The following TBC1D8 variants were observed in gnomAD, a reference collection of about 807,000 sequenced individuals.
TBC1D8 encodes TBC1 domain family member 8.
Under a neutral mutation model 118.8 loss-of-function variants are expected in TBC1D8, and 65 were observed. The ratio of observed to expected loss-of-function variants is 0.55; its 90% CI spans 0.45 to 0.67. The LOEUF is 0.67. TBC1D8 is among the 30% of genes least tolerant of loss of function. TBC1D8 has a pLI of 0.00. For missense variants in TBC1D8, 1,376 were observed against 1,471.2 expected (o/e 0.94, Z 1.06); for synonymous variants, 566 against 595.8 (o/e 0.95, Z 0.73).
chr2:101,059,321 T>TCA, intron 3 of TBC1D8, 100 bp downstream of exon 3: 1 of 891,958 alleles, frequency 1.1e-6, no homozygotes, highest in Middle Eastern at 2.3e-4. Flanking sequence ...AGCCAAAAGT[T>TCA]CAGTTAGTAG....
Position 101,008,059 on chromosome 2 carries a change from T to C in TBC1D8, c.3230A>G (p.Asp1077Gly). 6.2e-7 allele frequency: 1 copy of C among 1,613,942 alleles called. No homozygotes were observed. Among genetic ancestry groups the C allele is most frequent in the South Asian group, 1.1e-5 (1 of 91,072 alleles). ...GGAGTCCTGGGGCGTCTTCCCAGTG[T>C]CTGCAAAAACCGAGTCCTCAGGAGA... The part of the protein sequence containing the change: ...APSPEDSVFA[D>G]TGKTPQDSQA... Residue 1077 changes from aspartate to glycine, a missense_variant, in exon 20 of 20, where the codon GAC becomes GGC. Physicochemically the swap from Asp to Gly is moderately conservative, Grantham distance 94 (BLOSUM62 -1). Coordinates refer to ENST00000409318, the MANE Select transcript of TBC1D8 (RefSeq NM_001330348.2).
chr2:101,149,169 T>C (rs559035748), intron 1 of TBC1D8, among the ~76,000 whole-genome samples: 1 of 152,294 alleles, frequency 6.6e-6, no homozygotes, highest in Non-Finnish European at 1.5e-5. Flanking sequence ...CATTTAAGCA[T>C]AAGAAAATTC....
chr2:101,124,576 G>A (rs953357058), intron 1 of TBC1D8, among the ~76,000 whole-genome samples: 15 of 152,120 alleles, frequency 9.9e-5, no homozygotes, highest in Admixed American at 5.2e-4. Flanking sequence ...GTAAACCCTC[G>A]GCTGAAATGA....
intron 1 of TBC1D8, among the ~76,000 whole-genome samples, chr2:101,118,609 A>G (rs1008079248): frequency 3.3e-5 from 5 of 150,594 alleles, no homozygotes; most frequent in Non-Finnish European, 5.9e-5. Flanking sequence ...AGGCAGGAGA[A>G]TGGCGTGAAC....
intron 4 of TBC1D8, among the ~76,000 whole-genome samples, chr2:101,050,856 C>T (rs1158472834): frequency 1.3e-5 from 2 of 152,156 alleles, no homozygotes. Flanking sequence ...ATTTCATCAC[C>T]CAGGTGTTAA....
At chr2:101,038,267 C>T (rs927000289) in intron 7 of TBC1D8, among the ~76,000 whole-genome samples, 194 bp downstream of exon 7, 18 of 152,142 alleles carry the variant, frequency 1.2e-4, no homozygotes, top group Admixed American at 1.2e-3. Context: ...GGGGTGACCC[C>T]GTCACCCCCT....
At position 101,151,329 on chromosome 2, in the gene TBC1D8, C is replaced by T. The variant is rs1228202352; in HGVS notation, c.-76G>A. On this transcript the variant is annotated 5_prime_UTR_variant, in exon 1 of 20. Transcript: ENST00000409318. ...CCGGTCGCTGTGAGCCGAGCCCGCTCGAGAGGCGACGGCGGCGCGCGGGGA... is the reference window on the plus strand; with the variant it reads ...CCGGTCGCTGTGAGCCGAGCCCGCTTGAGAGGCGACGGCGGCGCGCGGGGA... 1 of 1,086,466 alleles carries T rather than the reference C, an allele frequency of 9.2e-7. No homozygotes were observed. 67.3% of individuals were successfully genotyped at this position (1,086,466 alleles called of 1,614,324 possible).
rs200658638 is a variant in TBC1D8, at chr2:101,090,325, T to C, written c.167A>G (p.Asn56Ser). 125 of 1,613,976 alleles carry C rather than the reference T, an allele frequency of 7.7e-5. No individual in the cohort carries two copies. Among genetic ancestry groups the C allele is most frequent in the African/African-American group, 2.4e-4 (18 of 75,056 alleles). Residue 56 changes from asparagine (N) to serine (S), a missense_variant, in exon 2 of 20, where the codon AAT becomes AGT. Asn to Ser is a conservative substitution (Grantham distance 46). Coordinates refer to ENST00000409318, the MANE Select transcript of TBC1D8 (RefSeq NM_001330348.2). ...AATTCGAAATGGAGCGACCCGTGCA[T>C]TGGAATCCAACACTGCATCCAGAGC... The part of the protein sequence containing the change: ...VGALDAVLDS[N>S]ARVAPFRILL...
intron 4 of TBC1D8, among the ~76,000 whole-genome samples, chr2:101,052,849 A>T (rs1172748331): frequency 6.6e-6 from 1 of 152,204 alleles, no homozygotes; most frequent in Non-Finnish European, 1.5e-5. Context: ...GTGCTTTAAT[A>T]ATTTTAAAGG....
chr2:101,144,118 A>T (rs1225815482), intron 1 of TBC1D8, among the ~76,000 whole-genome samples: 1 of 152,240 alleles, frequency 6.6e-6, no homozygotes, highest in East Asian at 1.9e-4. Context: ...GATCCCCTCA[A>T]GATTGTACTA....
At chr2:101,045,153 T>C (rs1427304419) in intron 5 of TBC1D8, among the ~76,000 whole-genome samples, 3 of 152,150 alleles carry the variant, frequency 2.0e-5, no homozygotes, top group African/African-American at 7.2e-5. Context: ...TAAATTAATA[T>C]GTGCAATAAT....
chr2:101,138,486 A>T (rs568761827), intron 1 of TBC1D8, among the ~76,000 whole-genome samples: 134 of 152,190 alleles, frequency 8.8e-4, no homozygotes, highest in African/African-American at 3.1e-3. Context: ...GACTGGCCCC[A>T]TTTCAGACGC....
rs561424708 is a variant in TBC1D8, at chr2:101,073,157, G to C, written c.284-13618C>G. 1.6e-4 allele frequency among the ~76,000 whole-genome samples: 25 copies of C among 152,308 alleles called. No homozygotes were observed. In the East Asian group the frequency reaches 4.4e-3, roughly 27 times the overall value. On this transcript the variant is annotated intron_variant, in intron 2 of 19. Transcript: ENST00000409318. ...CCAGGCATGTTAGCCCCTATATCAA[G>C]AGGAGCTTTGAAGCCAGGCACTCAC... is the stretch of plus-strand genomic sequence containing the variant.
chr2:101,069,254 C>T (rs1683177917), intron 2 of TBC1D8, among the ~76,000 whole-genome samples: 2 of 151,324 alleles, frequency 1.3e-5, no homozygotes, highest in South Asian at 4.2e-4. Flanking sequence ...GATCACGCCA[C>T]TGCACTCCAG....
rs780083155 is a variant in TBC1D8 at position 101,021,659 on chromosome 2, T to G, written c.2827+22A>C. On this transcript the variant is annotated intron_variant, in intron 17 of 19. Coordinates refer to ENST00000409318, the MANE Select transcript of TBC1D8 (RefSeq NM_001330348.2). ...GTGTTGAAGCAGAGCACAGTCTGAT[T>G]TTGCTACTTGGACTTTCTTACCTGG... 7 of 1,544,198 alleles carry G rather than the reference T, an allele frequency of 4.5e-6. No homozygotes were observed. In the African/African-American group the frequency reaches 6.8e-5, roughly 15 times the overall value.
chr2:101,120,579 C>T (rs963153706), intron 1 of TBC1D8, among the ~76,000 whole-genome samples: 1 of 152,292 alleles, frequency 6.6e-6, no homozygotes, highest in East Asian at 1.9e-4. Context: ...AAAGTACAGG[C>T]AGGAAAAAGC....
At chr2:101,029,179 A>G (rs1573896398) in intron 12 of TBC1D8, among the ~76,000 whole-genome samples, 3 of 152,330 alleles carry the variant, frequency 2.0e-5, no homozygotes, top group Admixed American at 2.0e-4. Context: ...ACTTGAGGCC[A>G]GGAGTTCGAG....
intron 17 of TBC1D8, among the ~76,000 whole-genome samples, chr2:101,017,235 C>T (rs1194539202): frequency 6.6e-5 from 10 of 152,014 alleles, no homozygotes; most frequent in Admixed American, 2.6e-4. Flanking sequence ...TCTGGAATAG[C>T]GCCTGAAGGA....
intron 10 of TBC1D8, among the ~76,000 whole-genome samples, chr2:101,033,121 A>ATTT (rs1224891423): frequency 1.3e-4 from 11 of 87,742 alleles, no homozygotes; most frequent in Non-Finnish European, 2.0e-4. Flanking sequence ...GCACTCGGTA[A>ATTT]ATTTTTTTTT....
Sources: allele counts gnomAD v4.1 joint callset (sites outside exome capture counted in the v4.1 genomes callset), GRCh38; gene constraint gnomAD v4.1.1; transcripts MANE v1.5; gene names NCBI Gene and HGNC (gene_info 2026-07-23, HGNC 2026-07-21).